CSF1R: variants seen among roughly 807,000 people sequenced by gnomAD.
The protein encoded by CSF1R is macrophage colony-stimulating factor 1 receptor.
CSF1R carries 40 observed loss-of-function variants against 110.0 expected under a neutral mutation model. The ratio of observed to expected loss-of-function variants is 0.36; its 90% CI spans 0.28 to 0.47. The LOEUF is 0.47. Among genes scored for constraint, CSF1R ranks in the 20% least tolerant of loss-of-function variants. CSF1R has a pLI of 0.99. For synonymous variants in CSF1R, 523 were observed against 503.4 expected (o/e 1.04, Z -0.52); for missense variants, 1,052 against 1,253.0 (o/e 0.84, Z 2.42).
At chr5:150,091,365 C>T (rs1485091721), upstream of CSF1R, among the ~76,000 whole-genome samples, 1 of 152,080 alleles carries the variant, frequency 6.6e-6, no homozygotes, top group African/African-American at 2.4e-5. Flanking sequence ...TTACAGTAGC[C>T]AAAAGGTGGA....
At chr5:150,110,757 C>CA (rs61694953) in intron 1 of CSF1R, among the ~76,000 whole-genome samples, 20,405 of 152,018 alleles carry the variant, frequency 0.13, 2,275 homozygotes, top group African/African-American at 0.29. Context: ...TAAATTTGTA[C>CA]CACAGAGTTG....
chr5:150,065,664 C>T (rs187380852), intron 10 of CSF1R, among the ~76,000 whole-genome samples: 1 of 152,136 alleles, frequency 6.6e-6, no homozygotes, highest in African/African-American at 2.4e-5. Flanking sequence ...GACCATCCTG[C>T]CCCCTCCGCT....
At chr5:150,110,941 C>A (rs533439134) in intron 1 of CSF1R, among the ~76,000 whole-genome samples, 5 of 150,606 alleles carry the variant, frequency 3.3e-5, no homozygotes, top group Non-Finnish European at 7.4e-5. Context: ...ATCACAGGAC[C>A]TTATTAAGAT....
chr5:150,089,736 G>A (rs913794175), upstream of CSF1R, among the ~76,000 whole-genome samples: 1 of 152,158 alleles, frequency 6.6e-6, no homozygotes, highest in African/African-American at 2.4e-5. Flanking sequence ...CATTGAATAT[G>A]CAAAACAATC....
Position 150,073,470 on chromosome 5 carries a change from A to G in CSF1R, c.913T>C (p.Ser305Pro). The G allele has an allele frequency of 6.2e-7, 1 of 1,613,786 alleles. No homozygotes were observed. The highest frequency in any genetic ancestry group is 8.5e-7 in the Non-Finnish European group (1 of 1,179,782). Residue 305 changes from serine (S) to proline (P), a missense_variant, in exon 6 of 21, where the codon TCT (serine) becomes CCT (proline). Ser to Pro is a moderately conservative substitution (Grantham distance 74). Coordinates refer to ENST00000675795, the MANE Select transcript of CSF1R (RefSeq NM_001288705.3). ...ACCTCCTGGATGAGGTTCTGCTCAG[A>G]GCTCAAGTTCAAGTAGGCACTCTCT... ...VVESAYLNLSSEQNLIQEVTV... is the reference protein window; with the variant it reads ...VVESAYLNLSPEQNLIQEVTV...
chr5:150,071,711 T>C (rs1758039791), intron 6 of CSF1R, among the ~76,000 whole-genome samples: 1 of 152,206 alleles, frequency 6.6e-6, no homozygotes, highest in Admixed American at 6.5e-5. Flanking sequence ...CTCGTGTTCC[T>C]TTCCTCAATG....
chr5:150,100,551 A>G (rs568853679), intron 1 of CSF1R, among the ~76,000 whole-genome samples: 87 of 142,712 alleles, frequency 6.1e-4, no homozygotes, highest in South Asian at 3.7e-3. Flanking sequence ...GCTATACAAC[A>G]TATACAGAAA....
upstream of CSF1R, among the ~76,000 whole-genome samples, chr5:150,087,231 C>G (rs375917989): frequency 7.2e-5 from 11 of 152,206 alleles, no homozygotes; most frequent in African/African-American, 2.2e-4. Flanking sequence ...CATCTGGGGT[C>G]AGAAGTATTT....
intron 10 of CSF1R, among the ~76,000 whole-genome samples, chr5:150,063,926 A>T (rs1298732432): frequency 1.3e-5 from 2 of 152,160 alleles, no homozygotes; most frequent in Non-Finnish European, 2.9e-5. Context: ...GGAAGTGTGG[A>T]CCGGTGCTAG....
At chr5:150,070,086 CAG>C in intron 8 of CSF1R, 23 bp from the exon 9 acceptor site, 2 of 1,611,124 alleles carry the variant, frequency 1.2e-6, no homozygotes, top group Non-Finnish European at 1.7e-6. Context: ...GAATGTGGCT[CAG>C]AGCTTCAGGG....
chr5:150,097,321 G>GGAAGGGGAAGGA (rs1759258287), intron 1 of CSF1R, among the ~76,000 whole-genome samples: 1 of 149,356 alleles, frequency 6.7e-6, no homozygotes, highest in Non-Finnish European at 1.5e-5. Flanking sequence ...AAGGGGAAGG[G>GGAAGGGGAAGGA]GAAGGAGAAG....
At position 150,060,977 on chromosome 5, in the gene CSF1R, G is replaced by A. The variant is rs1176840765; in HGVS notation, c.1859-5C>T. On this transcript the variant is annotated splice_region_variant and splice_polypyrimidine_tract_variant and intron_variant, in intron 12 of 20. Coordinates refer to ENST00000675795, the MANE Select transcript of CSF1R (RefSeq NM_001288705.3). ...TCTCATCAGCATGGGCCGTGGCTGG[G>A]AGGAAGAACCACAGTCCCAAAGACA... 14 of 1,586,230 alleles carry A rather than the reference G, an allele frequency of 8.8e-6. No individual in the cohort carries two copies. Among genetic ancestry groups the A allele is most frequent in the Non-Finnish European group, 1.2e-5 (14 of 1,164,014 alleles).
In CSF1R at chr5:150,073,322, G is replaced by A. The variant is rs17854479; in HGVS notation, c.1061C>T (p.Ala354Val). The A allele has an allele frequency of 6.2e-7, 1 of 1,613,904 alleles. No individual in the cohort carries two copies. The highest frequency in any genetic ancestry group is 8.5e-7 in the Non-Finnish European group (1 of 1,179,906). ...DHQPEPKLAN[A>V]TTKDTYRHTF... ...GTACCTGTATGTGTCCTTGGTGGTA[G>A]CATTAGCAAGCTTGGGCTCAGGCTG... Residue 354 changes from alanine (A) to valine (V), a missense_variant, in exon 6 of 21, where the codon GCT (alanine) becomes GTT (valine). Coordinates refer to ENST00000675795, the MANE Select transcript of CSF1R (RefSeq NM_001288705.3).
At chr5:150,068,404 C>T in intron 9 of CSF1R, 74 bp from the exon 10 acceptor site, 1 of 975,784 alleles carries the variant, frequency 1.0e-6, no homozygotes, top group Non-Finnish European at 1.6e-6. Flanking sequence ...CTGCACACTG[C>T]CTGGAACACA....
At chr5:150,085,203 G>C (rs1395696816) in intron 1 of CSF1R, among the ~76,000 whole-genome samples, 2 of 150,350 alleles carry the variant, frequency 1.3e-5, no homozygotes, top group Non-Finnish European at 2.9e-5. Flanking sequence ...TTGAACCCGG[G>C]AGGTGGAGGT....
chr5:150,058,372 C>G, intron 14 of CSF1R: 1 of 455,702 alleles, frequency 2.2e-6, no homozygotes, highest in Non-Finnish European at 4.4e-6. Context: ...CTCTCTCCCT[C>G]CTGTCCCCTC....
chr5:150,065,315 G>T (rs1284230304), intron 10 of CSF1R, among the ~76,000 whole-genome samples: 2 of 152,200 alleles, frequency 1.3e-5, no homozygotes, highest in African/African-American at 4.8e-5. Context: ...TCAGAGCTCA[G>T]TTCCAGCCCC....
At chr5:150,054,599 A>G (rs1191101408) in intron 19 of CSF1R, 169 bp from the exon 20 acceptor site, 1 of 589,514 alleles carries the variant, frequency 1.7e-6, no homozygotes, top group African/African-American at 1.9e-5. Flanking sequence ...TAATCCTCAC[A>G]GTAACCCTTG....
At chr5:150,082,295 C>G (rs1186914561) in intron 1 of CSF1R, among the ~76,000 whole-genome samples, 1 of 152,218 alleles carries the variant, frequency 6.6e-6, no homozygotes, top group Non-Finnish European at 1.5e-5. Flanking sequence ...TGCAAACCCC[C>G]TTGAAATGGA....
Sources: gnomAD v4.1 joint callset for allele counts (sites outside exome capture counted in the v4.1 genomes callset) on GRCh38, gnomAD v4.1.1 for gene constraint, MANE v1.5 for transcripts, NCBI Gene and HGNC (gene_info 2026-07-23, HGNC 2026-07-21) for gene names.